DOCK6: variants seen among roughly 807,000 people sequenced by gnomAD.
DOCK6 encodes the protein dedicator of cytokinesis protein 6.
Under a neutral mutation model 230.3 loss-of-function variants are expected in DOCK6, and 167 were observed. The observed-to-expected ratio is 0.73, with a 90% CI of 0.64 to 0.82. The LOEUF (loss-of-function observed/expected upper bound fraction) is 0.82, where lower values mean the gene tolerates loss of function less well. Among genes scored for constraint, DOCK6 ranks in the 40% least tolerant of loss-of-function variants. The pLI is 0.00. For synonymous variants in DOCK6, 1,148 were observed against 1,185.0 expected (o/e 0.97, Z 0.64); for missense variants, 2,598 against 2,825.8 (o/e 0.92, Z 1.83).
Position 11,200,327 on chromosome 19 carries a change from G to C in DOCK6, c.6082C>G (p.Pro2028Ala), listed in dbSNP as rs973869559. 8 of 1,570,560 alleles carry C rather than the reference G, an allele frequency of 5.1e-6. No homozygotes were observed. In the African/African-American group the frequency reaches 9.5e-5, roughly 19 times the overall value. Residue 2028 changes from proline (P) to alanine (A), a missense_variant, in exon 47 of 48, where the codon CCC (proline) becomes GCC (alanine). Transcript: ENST00000294618. This position sits in a 1 kb window ranked among gnomAD's most constrained non-coding sequence, Gnocchi z 4.3. ...AGGCACCTGAGGCCGGGTGGGGTGG[G>C]TGCCATCAGCTGGGGCAGGCGCTGG... ...LTQRLPQLMA[P>A]TPPGLRNSLN...
At chr19:11,241,799 G>T in intron 14 of DOCK6, 1 of 1,508,144 alleles carries the variant, frequency 6.6e-7, no homozygotes, top group Non-Finnish European at 9.0e-7. Context: ...CCAGGGCGCC[G>T]GGCCCCACTT....
chr19:11,200,183 CAA>C lies in DOCK6; in HGVS notation c.6101+123_6101+124del, dbSNP rs1842901325. ...AACAAAAAAAAAACCGGAAACAAAACAAAGTCCAAGCTACCAGCAAACATGTT... is the reference window on the plus strand; with the variant it reads ...AACAAAAAAAAAACCGGAAACAAAACAGTCCAAGCTACCAGCAAACATGTT... On this transcript the variant is annotated intron_variant, in intron 47 of 47. Transcript: ENST00000294618. The surrounding 1 kb of genome is among the most constrained non-coding windows in gnomAD (Gnocchi z 4.3). The C allele has an allele frequency of 1.1e-6, 1 of 942,458 alleles. No individual in the cohort carries two copies. The highest frequency in any genetic ancestry group is 1.5e-6 in the Non-Finnish European group (1 of 671,262). 58.4% of individuals were successfully genotyped at this position (942,458 alleles called of 1,614,324 possible).
Position 11,252,143 on chromosome 19 carries a change from G to C in DOCK6, c.483C>G (p.Asp161Glu). ...CCGAGTCCTCAGGGCCGGACCTCTC[G>C]TCTCCAGAAGCATCCTGCTCAAAGA... is the stretch of plus-strand genomic sequence containing the variant. ...RQVFEQDASG[D>E]ERSGPEDSND... Residue 161 changes from aspartate (D) to glutamate (E), a missense_variant, in exon 5 of 48, where the codon GAC (aspartate) becomes GAG (glutamate). Transcript: ENST00000294618. 6.3e-7 allele frequency: 1 copy of C among 1,588,234 alleles called. No individual in the cohort carries two copies. The highest frequency in any genetic ancestry group is 8.6e-7 in the Non-Finnish European group (1 of 1,167,744).
At chr19:11,251,413 T>G in intron 5 of DOCK6, 5 of 238,546 alleles carry the variant, frequency 2.1e-5, no homozygotes, top group Admixed American at 9.7e-5. Flanking sequence ...AATGAAAGCC[T>G]TCCCTGGGAC....
Position 11,225,868 on chromosome 19 carries a change from TAAAAAAAAAAA to T in DOCK6, c.2955+1458_2955+1468del, listed in dbSNP as rs745740690. On this transcript the variant is annotated intron_variant, in intron 24 of 47. Coordinates refer to ENST00000294618, the MANE Select transcript of DOCK6 (RefSeq NM_020812.4). The stretch of plus-strand genomic sequence containing the variant: ...CAACATAGTGAGACCCTGACTCTAC[TAAAAAAAAAAA>T]AAAAAAAAAAAAAAATTGCCAAGTA... Among the ~76,000 whole-genome samples, 10 of 71,016 alleles carry T rather than the reference TAAAAAAAAAAA, an allele frequency of 1.4e-4. No homozygotes were observed. The South Asian group carries it at 3.4e-3, about 24-fold the overall frequency. 46.6% of individuals were successfully genotyped at this position (71,016 alleles called of 152,430 possible). A position where few individuals can be genotyped will look rare whatever the true frequency, so the allele number is the denominator to read the frequency against.
intron 1 of DOCK6, among the ~76,000 whole-genome samples, chr19:11,261,994 A>C (rs1047438100): frequency 2.6e-5 from 4 of 152,104 alleles, no homozygotes; most frequent in Non-Finnish European, 4.4e-5. Flanking sequence ...TGAGGAAGGA[A>C]CAGAAAGTCC....
chr19:11,230,317 T>A (rs1599245098), intron 22 of DOCK6, among the ~76,000 whole-genome samples: 1 of 150,462 alleles, frequency 6.6e-6, no homozygotes, highest in South Asian at 2.1e-4. Flanking sequence ...CCAGCCTGAG[T>A]GATAAGAGCG....
chr19:11,219,145 G>A (rs796964565), intron 28 of DOCK6, among the ~76,000 whole-genome samples: 3 of 140,786 alleles, frequency 2.1e-5, no homozygotes, highest in African/African-American at 7.9e-5. Flanking sequence ...CCAAAGTGCT[G>A]AGATTACAGG....
At chr19:11,218,132 G>A (rs1002897309) in intron 28 of DOCK6, among the ~76,000 whole-genome samples, 1 of 152,042 alleles carries the variant, frequency 6.6e-6, no homozygotes, top group African/African-American at 2.4e-5. Flanking sequence ...CTATAGGCAT[G>A]AGCCATGGCG....
chr19:11,245,503 G>A lies in DOCK6; in HGVS notation c.1023+60C>T, dbSNP rs2080017307. 13 of 1,462,900 alleles carry A rather than the reference G, an allele frequency of 8.9e-6. No homozygotes were observed. In the South Asian group the frequency reaches 1.6e-4, roughly 18 times the overall value. The allele number at this position is 1,462,900 out of a possible 1,614,324, so 90.6% of individuals were successfully genotyped here. A position where few individuals can be genotyped will look rare whatever the true frequency, so the allele number is the denominator to read the frequency against. ...GATGTATCTGTCTCATTCTGTGAAG[G>A]CAGGGACTAAATCAGTGACATTCGC... On this transcript the variant is annotated intron_variant, in intron 9 of 47. Transcript: ENST00000294618.
chr19:11,217,351 G>A lies in DOCK6; in HGVS notation c.3591C>T (p.Asp1197=), dbSNP rs1230854070. ...GQRSRLASML[D]SDTEGEGDIA... The stretch of plus-strand genomic sequence containing the variant: ...TGTCCCCTTCGCCTTCTGTGTCTGA[G>A]TCAAGCATTGAGGCCAGTCTTGACC... Residue 1197 remains aspartate (D), a synonymous_variant, in exon 29 of 48, where the codon GAC becomes GAT. Transcript: ENST00000294618. The A allele has an allele frequency of 6.2e-7, 1 of 1,613,486 alleles. No homozygotes were observed. The highest frequency in any genetic ancestry group is 8.5e-7 in the Non-Finnish European group (1 of 1,179,794).
Position 11,201,203 on chromosome 19 carries a change from C to T in DOCK6, c.5689-151G>A, listed in dbSNP as rs184513527. 6.6e-5 allele frequency among the ~76,000 whole-genome samples: 10 copies of T among 151,600 alleles called. No individual in the cohort carries two copies. In the East Asian group the frequency reaches 1.4e-3, roughly 21 times the overall value. On this transcript the variant is annotated intron_variant, in intron 44 of 47. Transcript: ENST00000294618. The surrounding 1 kb of genome is among the most constrained non-coding windows in gnomAD (Gnocchi z 4.3). ...TCTGGGGGCCTTCCTGGGTCTGACTCTGGGGGGGTCCAGCCTTGGGTCTGC... is the reference window on the plus strand; with the variant it reads ...TCTGGGGGCCTTCCTGGGTCTGACTTTGGGGGGGTCCAGCCTTGGGTCTGC...
intron 24 of DOCK6, among the ~76,000 whole-genome samples, chr19:11,225,654 C>T (rs2079651800): frequency 6.6e-6 from 1 of 151,728 alleles, no homozygotes; most frequent in African/African-American, 2.4e-5. Flanking sequence ...ATCACACCAC[C>T]ACACTCTAGT....
At chr19:11,257,482 TAAAAA>T (rs35933920) in intron 1 of DOCK6, among the ~76,000 whole-genome samples, 3 of 78,604 alleles carry the variant, frequency 3.8e-5, no homozygotes, top group Non-Finnish European at 6.8e-5. Flanking sequence ...CACTGTCTCT[TAAAAA>T]AAAAAAAAAA....
rs771086186 is a variant in DOCK6, at chr19:11,221,892, G to A, written c.3509C>T (p.Ser1170Leu). ...CCGTGGCAAGGTATCCCGTGCAATC[G>A]ATAGCAGTGGCAGGTACAGCTCGGC... ...RVAELYLPLL[S>L]IARDTLPRLH... Residue 1170 changes from serine to leucine, a missense_variant, in exon 28 of 48, where the codon TCG becomes TTG. Ser to Leu is a moderately radical substitution (Grantham distance 145). Coordinates refer to ENST00000294618, the MANE Select transcript of DOCK6 (RefSeq NM_020812.4). 1.1e-5 allele frequency: 18 copies of A among 1,613,666 alleles called. No homozygotes were observed. Among genetic ancestry groups the A allele is most frequent in the South Asian group, 7.7e-5 (7 of 91,080 alleles).
At chr19:11,225,583 T>C (rs1249041526) in intron 24 of DOCK6, among the ~76,000 whole-genome samples, 1 of 152,090 alleles carries the variant, frequency 6.6e-6, no homozygotes, top group Admixed American at 6.6e-5. Context: ...CCCCAGCTAC[T>C]CTGGAGGCTG....
intron 14 of DOCK6, chr19:11,240,300 A>T (rs768355718): frequency 6.4e-7 from 1 of 1,565,764 alleles, no homozygotes; most frequent in South Asian, 1.2e-5. Context: ...CTTAAAGGTA[A>T]GGAGCTCCCC....
chr19:11,254,710 G>C (rs1485139424), intron 1 of DOCK6, among the ~76,000 whole-genome samples: 8 of 152,116 alleles, frequency 5.3e-5, no homozygotes, highest in Non-Finnish European at 8.8e-5. Context: ...GGGAGGATGG[G>C]GGTAAAGGGG....
intron 37 of DOCK6, among the ~76,000 whole-genome samples, chr19:11,210,315 A>G (rs970736793): frequency 7.8e-6 from 1 of 128,302 alleles, no homozygotes; most frequent in Non-Finnish European, 1.6e-5. Flanking sequence ...TCACCTGTTC[A>G]TCTCACTTGG....
Sources: allele counts gnomAD v4.1 joint callset (sites outside exome capture counted in the v4.1 genomes callset), GRCh38; gene constraint gnomAD v4.1.1; non-coding constraint Gnocchi (gnomAD v3.1); transcripts MANE v1.5; gene names NCBI Gene and HGNC (gene_info 2026-07-23, HGNC 2026-07-21).